PAX1: variants seen among roughly 807,000 people sequenced by gnomAD.
The protein encoded by PAX1 is paired box 1.
Under a neutral mutation model 35.6 loss-of-function variants are expected in PAX1, and 18 were observed. That is an observed-to-expected ratio of 0.50 (90% CI 0.35 to 0.75). PAX1 has a LOEUF of 0.75. Among genes scored for constraint, PAX1 ranks in the 30% least tolerant of loss-of-function variants. PAX1 has a pLI of 0.01. For missense variants in PAX1, 760 were observed against 661.5 expected (o/e 1.15, Z -1.63); for synonymous variants, 397 against 305.2 (o/e 1.30, Z -3.14).
In PAX1 at chr20:21,714,898, G is replaced by A. The variant is rs1985318018; in HGVS notation, c.*336G>A. On this transcript the variant is annotated 3_prime_UTR_variant, in exon 5 of 5. Coordinates refer to ENST00000613128, the MANE Select transcript of PAX1 (RefSeq NM_001257096.2). ...TTTTGTCACTCCCTTGTCCGTCTCC[G>A]TCTCGCCTCTCTCCCTGTTTCCTTC... 3 of 962,318 alleles carry A rather than the reference G, an allele frequency of 3.1e-6. No homozygotes were observed. Among genetic ancestry groups the A allele is most frequent in the African/African-American group, 1.6e-5 (1 of 62,250 alleles). 59.6% of individuals were successfully genotyped at this position (962,318 alleles called of 1,614,324 possible).
chr20:21,709,160 G>T, intron 3 of PAX1, 62 bp from the exon 4 acceptor site: 1 of 1,265,170 alleles, frequency 7.9e-7, no homozygotes, highest in African/African-American at 1.5e-5. Context: ...CCGTCTCAGT[G>T]ATGGCGTGGG....
At position 21,709,302 on chromosome 20, in the gene PAX1, C is replaced by T. The variant is rs754172263; in HGVS notation, c.1140C>T (p.Ser380=). Residue 380 remains serine (S), a synonymous_variant, in exon 4 of 5, where the codon AGC becomes AGT. Coordinates refer to ENST00000613128, the MANE Select transcript of PAX1 (RefSeq NM_001257096.2). The part of the protein sequence containing the change: ...YPASNQHGVY[S]APGGGYLAPG... ...CCTCCAACCAGCACGGCGTGTACAG[C>T]GCCCCGGGCGGCGGCTACCTCGCCC... 3 of 1,602,306 alleles carry T rather than the reference C, an allele frequency of 1.9e-6. No homozygotes were observed. The highest frequency in any genetic ancestry group is 4.5e-5 in the East Asian group (2 of 44,792).
Position 21,705,886 on chromosome 20 carries a change from A to G in PAX1, c.174A>G (p.Leu58=). The G allele has an allele frequency of 7.1e-7, 1 of 1,403,404 alleles. No homozygotes were observed. The highest frequency in any genetic ancestry group is 9.3e-7 in the Non-Finnish European group (1 of 1,079,310). The allele number at this position is 1,403,404 out of a possible 1,614,324, so 86.9% of individuals were successfully genotyped here. A position where few individuals can be genotyped will look rare whatever the true frequency, so the allele number is the denominator to read the frequency against. The change falls in exon 1 of 5, where the codon CTA becomes CTG. Residue 58 remains leucine, a synonymous_variant. Coordinates refer to ENST00000613128, the MANE Select transcript of PAX1 (RefSeq NM_001257096.2). Reference sequence around the variant, plus strand: ...CTCGGCTCTCGGGCGCCCTCCCTCTATGCCTCTCACGCGGCGGCGGCGGCG... The same window carrying G: ...CTCGGCTCTCGGGCGCCCTCCCTCTGTGCCTCTCACGCGGCGGCGGCGGCG... The part of the protein sequence containing the change: ...RGSRLSGALP[L]CLSRGGGGAQ...
At position 21,705,919 on chromosome 20, in the gene PAX1, T is replaced by C. The variant is rs1984969988; in HGVS notation, c.207T>C (p.Ala69=). 3 of 1,409,590 alleles carry C rather than the reference T, an allele frequency of 2.1e-6. No homozygotes were observed. Among genetic ancestry groups the C allele is most frequent in the Non-Finnish European group, 2.8e-6 (3 of 1,086,228 alleles). 87.3% of individuals were successfully genotyped at this position (1,409,590 alleles called of 1,614,324 possible). The part of the protein sequence containing the change: ...CLSRGGGGAQ[A]LPDCAGPSPG... Reference sequence around the variant, plus strand: ...CACGCGGCGGCGGCGGCGCCCAAGCTCTCCCGGACTGCGCCGGGCCCAGCC... The same window carrying C: ...CACGCGGCGGCGGCGGCGCCCAAGCCCTCCCGGACTGCGCCGGGCCCAGCC... The change falls in exon 1 of 5, where the codon GCT becomes GCC. Residue 69 remains alanine, a synonymous_variant. Transcript: ENST00000613128.
chr20:21,706,818 A>T lies in PAX1; in HGVS notation c.667A>T (p.Asn223Tyr). 1 of 1,613,632 alleles carries T rather than the reference A, an allele frequency of 6.2e-7. No individual in the cohort carries two copies. The highest frequency in any genetic ancestry group is 8.5e-7 in the Non-Finnish European group (1 of 1,180,030). The change falls in exon 2 of 5, where the codon AAC becomes TAC. Residue 223 changes from asparagine to tyrosine, a missense_variant. By Grantham distance (143) the Asn-to-Tyr change is moderately radical. Coordinates refer to ENST00000613128, the MANE Select transcript of PAX1 (RefSeq NM_001257096.2). The surrounding 1 kb of genome is among the most constrained non-coding windows in gnomAD (Gnocchi z 5.3). ...SVSSISRILR[N>Y]KIGSLAQPGP... ...GAGCTCCATCAGCCGCATCCTGCGC[A>T]ACAAGATCGGCAGCCTGGCGCAGCC...
At position 21,706,185 on chromosome 20, in the gene PAX1, A is replaced by G; in HGVS notation, c.286+187A>G. On this transcript the variant is annotated intron_variant, in intron 1 of 4. Coordinates refer to ENST00000613128, the MANE Select transcript of PAX1 (RefSeq NM_001257096.2). The surrounding 1 kb of genome is among the most constrained non-coding windows in gnomAD (Gnocchi z 5.3). Reference sequence around the variant, plus strand: ...AGTCTGGGAAGGGAGTGTTCCAAGTAGACGCGCTAAAAGTCGCGAAAGGGC... The same window carrying G: ...AGTCTGGGAAGGGAGTGTTCCAAGTGGACGCGCTAAAAGTCGCGAAAGGGC... The G allele has an allele frequency of 1.3e-6, 1 of 769,940 alleles. No homozygotes were observed. The allele number at this position is 769,940 out of a possible 1,614,324, so 47.7% of individuals were successfully genotyped here.
chr20:21,707,134 A>G lies in PAX1; in HGVS notation c.916+67A>G, dbSNP rs1600325703. The G allele has an allele frequency of 1.3e-5, 21 of 1,589,748 alleles. No homozygotes were observed. In the East Asian group the frequency reaches 4.7e-4, roughly 36 times the overall value. On this transcript the variant is annotated intron_variant, in intron 2 of 4. Transcript: ENST00000613128. ...AACCTGGGGCGGGCAGGCTTGCAGG[A>G]GAGGACTCACACTCGCTCTCCTCCC...
In PAX1 at chr20:21,706,874, G is replaced by A. The variant is rs1434161578; in HGVS notation, c.723G>A (p.Pro241=). Residue 241 remains proline, a synonymous_variant, in exon 2 of 5, where the codon CCG becomes CCA. Coordinates refer to ENST00000613128, the MANE Select transcript of PAX1 (RefSeq NM_001257096.2). The surrounding 1 kb of genome is among the most constrained non-coding windows in gnomAD (Gnocchi z 5.3). ...CGTACGAGGCAAGTAAGCAGCCGCC[G>A]TCGCAGCCTACGCTGCCCTACAACC... ...PGPYEASKQP[P]SQPTLPYNHI... 4.3e-6 allele frequency: 7 copies of A among 1,613,316 alleles called. No homozygotes were observed. Among genetic ancestry groups the A allele is most frequent in the Non-Finnish European group, 5.9e-6 (7 of 1,180,022 alleles).
intron 3 of PAX1, among the ~76,000 whole-genome samples, 197 bp from the exon 4 acceptor site, chr20:21,709,025 A>G (rs1985107349): frequency 6.6e-6 from 1 of 152,210 alleles, no homozygotes; most frequent in African/African-American, 2.4e-5. Context: ...TATTTGTAAC[A>G]GTTTGAGTGA....
chr20:21,705,671 G>A lies in PAX1; in HGVS notation c.-42G>A. 8.2e-7 allele frequency: 1 copy of A among 1,222,194 alleles called. No individual in the cohort carries two copies. The allele number at this position is 1,222,194 out of a possible 1,614,324, so 75.7% of individuals were successfully genotyped here. On this transcript the variant is annotated 5_prime_UTR_variant, in exon 1 of 5. Transcript: ENST00000613128. ...TGGAGGACACGTCAAATTGATTCCC[G>A]CACGCTGCAGCCTCCCGGTCAGACG...
At chr20:21,713,057 A>G (rs1048349542) in intron 4 of PAX1, among the ~76,000 whole-genome samples, 2 of 152,190 alleles carry the variant, frequency 1.3e-5, no homozygotes, top group African/African-American at 2.4e-5. Context: ...AGGGCTAAAA[A>G]CACAGCAGGA....
In PAX1 at chr20:21,709,214, C is replaced by A. The variant is rs2122139240; in HGVS notation, c.1060-8C>A. On this transcript the variant is annotated splice_polypyrimidine_tract_variant and splice_region_variant and intron_variant, in intron 3 of 4. Coordinates refer to ENST00000613128, the MANE Select transcript of PAX1 (RefSeq NM_001257096.2). Reference sequence around the variant, plus strand: ...TCTGCTGCTGACGGTCCCTCTCTATCCCCACAGTCGGCCTCCACCCTCTCT... The same window carrying A: ...TCTGCTGCTGACGGTCCCTCTCTATACCCACAGTCGGCCTCCACCCTCTCT... 4 of 1,600,104 alleles carry A rather than the reference C, an allele frequency of 2.5e-6. No homozygotes were observed. Among genetic ancestry groups the A allele is most frequent in the South Asian group, 1.1e-5 (1 of 90,962 alleles).
In PAX1 at chr20:21,705,735, G is replaced by C; in HGVS notation, c.23G>C (p.Gly8Ala). Residue 8 changes from glycine (G) to alanine (A), a missense_variant, in exon 1 of 5, where the codon GGG becomes GCG. Transcript: ENST00000613128. MKFTLGL[G>A]SRAWRVSWEG... is the part of the protein sequence containing the mutation. ...CGGATGAAGTTCACCCTGGGCCTGG[G>C]GTCGCGGGCGTGGAGAGTGTCCTGG... 1.6e-6 allele frequency: 2 copies of C among 1,249,290 alleles called. No homozygotes were observed. Among genetic ancestry groups the C allele is most frequent in the Non-Finnish European group, 2.0e-6 (2 of 991,172 alleles). The allele number at this position is 1,249,290 out of a possible 1,614,324, so 77.4% of individuals were successfully genotyped here.
In PAX1 at chr20:21,705,681, G is replaced by T. The variant is rs1600324047; in HGVS notation, c.-32G>T. 1.6e-6 allele frequency: 2 copies of T among 1,232,808 alleles called. No individual in the cohort carries two copies. 76.4% of individuals were successfully genotyped at this position (1,232,808 alleles called of 1,614,324 possible). On this transcript the variant is annotated 5_prime_UTR_variant, in exon 1 of 5. Transcript: ENST00000613128. ...GTCAAATTGATTCCCGCACGCTGCA[G>T]CCTCCCGGTCAGACGAATTTCTCCC...
chr20:21,716,266 G>GC lies in PAX1; in HGVS notation c.*1704_*1705insC, dbSNP rs11481679. 2.4e-4 allele frequency: 36 copies of GC among 151,042 alleles called. 1 individual carries two copies. The highest frequency in any genetic ancestry group is 8.5e-4 in the African/African-American group (35 of 41,192). 9.4% of individuals were successfully genotyped at this position (151,042 alleles called of 1,614,324 possible). On this transcript the variant is annotated 3_prime_UTR_variant, in exon 5 of 5. Coordinates refer to ENST00000613128, the MANE Select transcript of PAX1 (RefSeq NM_001257096.2). ...ACTACAAAGGGGCTTCCGGCTAATTGTTTTTTTTTCCTGCCTCTGTTTGAC... is the reference window on the plus strand; with the variant it reads ...ACTACAAAGGGGCTTCCGGCTAATTGCTTTTTTTTTCCTGCCTCTGTTTGAC...
At position 21,706,367 on chromosome 20, in the gene PAX1, G is replaced by T; in HGVS notation, c.287-71G>T. ...GCCTGGGTGCAGTCCCTCGCTCCGC[G>T]TGGGGACCCTTGGCTAACCCGCCGG... is the stretch of plus-strand genomic sequence containing the variant. On this transcript the variant is annotated intron_variant, in intron 1 of 4. Coordinates refer to ENST00000613128, the MANE Select transcript of PAX1 (RefSeq NM_001257096.2). The surrounding 1 kb of genome is among the most constrained non-coding windows in gnomAD (Gnocchi z 5.3). The T allele has an allele frequency of 6.3e-7, 1 of 1,585,186 alleles. No homozygotes were observed. The highest frequency in any genetic ancestry group is 8.6e-7 in the Non-Finnish European group (1 of 1,163,736).
intron 2 of PAX1, 193 bp from the exon 3 acceptor site, chr20:21,708,365 T>C (rs1224696957): frequency 9.4e-6 from 7 of 747,794 alleles, no homozygotes; most frequent in Non-Finnish European, 1.7e-5. Flanking sequence ...GCAGCAGGCC[T>C]GGCTGCCTTT....
intron 4 of PAX1, among the ~76,000 whole-genome samples, chr20:21,711,364 A>G (rs1985195456): frequency 6.6e-6 from 1 of 152,246 alleles, no homozygotes; most frequent in Non-Finnish European, 1.5e-5. Context: ...ATTCTAAACT[A>G]CCTGTCTTAA....
chr20:21,709,526 G>T, intron 4 of PAX1, 82 bp downstream of exon 4: 1 of 1,113,542 alleles, frequency 9.0e-7, no homozygotes, highest in South Asian at 1.6e-5. Flanking sequence ...CCTGGGAAAA[G>T]GGAGAGCGGG....
Sources: gnomAD v4.1 joint callset for allele counts (sites outside exome capture counted in the v4.1 genomes callset) on GRCh38, gnomAD v4.1.1 for gene constraint, Gnocchi (gnomAD v3.1) non-coding constraint, MANE v1.5 for transcripts, NCBI Gene and HGNC (gene_info 2026-07-23, HGNC 2026-07-21) for gene names.